Variants in DYNLRB1 observed in about 807,000 individuals in gnomAD.
DYNLRB1 encodes dynein light chain roadblock-type 1, also known as ROBL/LC7-like 1.
A neutral mutation model predicts 13.5 loss-of-function variants in DYNLRB1; 6 were observed. The observed-to-expected ratio is 0.44, with a 90% CI of 0.24 to 0.88. The LOEUF (loss-of-function observed/expected upper bound fraction) is 0.88. Ranked by LOEUF, DYNLRB1 falls within the 40% of genes least tolerant of loss-of-function variation. DYNLRB1 has a pLI of 0.21. For missense variants in DYNLRB1, 93 were observed against 127.2 expected, an observed-to-expected ratio of 0.73 and a Z score of 1.29; for synonymous variants, 43 against 45.0, an observed-to-expected ratio of 0.96 and a Z score of 0.18.
At chr20:34,516,401 C>T, upstream of DYNLRB1, 1 of 1,601,070 alleles carries the variant, frequency 6.2e-7, no homozygotes, top group Non-Finnish European at 8.5e-7. Flanking sequence ...TGCGCAGGCG[C>T]AGAAAGGCAC....
intron 1 of DYNLRB1, 78 bp downstream of exon 1, chr20:34,516,539 G>C: frequency 1.3e-6 from 2 of 1,594,344 alleles, no homozygotes; most frequent in Non-Finnish European, 1.7e-6. Context: ...GAGGATGAGG[G>C]GATCTCAGAG....
chr20:34,523,586 G>C (rs1979936337), intron 1 of DYNLRB1, among the ~76,000 whole-genome samples: 1 of 152,098 alleles, frequency 6.6e-6, no homozygotes, highest in African/African-American at 2.4e-5. Context: ...AAACCGGCAT[G>C]GCTAACTCCC....
rs759595219 is a variant in DYNLRB1, at chr20:34,534,699, C to T, written c.151C>T (p.Leu51=). Residue 51 remains leucine, a synonymous_variant, in exon 3 of 4, where the codon CTG becomes TTG. Coordinates refer to ENST00000357156, the MANE Select transcript of DYNLRB1 (RefSeq NM_014183.4). ...QYASLMHSFI[L]KARSTVRDID... Reference sequence around the variant, plus strand: ...TGCCAGCCTCATGCACAGCTTCATCCTGAAGGCACGGAGCACCGTGCGTGA... The same window carrying T: ...TGCCAGCCTCATGCACAGCTTCATCTTGAAGGCACGGAGCACCGTGCGTGA... 9 of 1,609,554 alleles carry T rather than the reference C, an allele frequency of 5.6e-6. No individual in the cohort carries two copies. The East Asian group carries it at 2.0e-4, about 36-fold the overall frequency.
Position 34,534,771 on chromosome 20 carries a change from A to G in DYNLRB1, c.223A>G (p.Lys75Glu). Residue 75 changes from lysine (K) to glutamate (E), a missense_variant, in exon 3 of 4, where the codon AAA (lysine) becomes GAA (glutamate). Transcript: ENST00000357156. ...CACCTTCCTTCGAATTCGCTCCAAG[A>G]AAAATGAAATTATGGTTGCACCAGG... ...DLTFLRIRSK[K>E]NEIMVAPDKD... 6.2e-7 allele frequency: 1 copy of G among 1,614,116 alleles called. No individual in the cohort carries two copies. Among genetic ancestry groups the G allele is most frequent in the Non-Finnish European group, 8.5e-7 (1 of 1,180,034 alleles).
chr20:34,522,529 A>G (rs1456407807), intron 1 of DYNLRB1, among the ~76,000 whole-genome samples: 2 of 130,952 alleles, frequency 1.5e-5, no homozygotes, highest in Non-Finnish European at 3.1e-5. Context: ...CTGGAGTGCA[A>G]TGGCGCGATC....
chr20:34,516,327 C>A, upstream of DYNLRB1: 1 of 1,406,176 alleles, frequency 7.1e-7, no homozygotes, highest in Non-Finnish European at 9.5e-7. Context: ...GATCGGCTCG[C>A]CCGCCCCCGC....
At chr20:34,520,846 A>G (rs1469312516) in intron 1 of DYNLRB1, among the ~76,000 whole-genome samples, 1 of 152,206 alleles carries the variant, frequency 6.6e-6, no homozygotes, top group Admixed American at 6.5e-5. Flanking sequence ...TTATTTCCTC[A>G]GGATAAAATT....
At position 34,539,530 on chromosome 20, in the gene DYNLRB1, T is replaced by A. The variant is rs149294318; in HGVS notation, c.248-1051T>A. On this transcript the variant is annotated intron_variant, in intron 3 of 3. Transcript: ENST00000357156. ...CCCCATCTGTACAAAACTTTTTTTT[T>A]TTCTTAATGGAGTCTCACTTTATCA... 6.1e-3 allele frequency among the ~76,000 whole-genome samples: 930 copies of A among 152,046 alleles called. 9 individuals are homozygous for A. The highest frequency in any genetic ancestry group is 0.032 in the East Asian group (162 of 5,116).
At chr20:34,516,593 G>C (rs1979206469) in intron 1 of DYNLRB1, 132 bp downstream of exon 1, 1 of 1,525,194 alleles carries the variant, frequency 6.6e-7, no homozygotes, top group Admixed American at 2.0e-5. Context: ...GCCGGGCCCG[G>C]GCCCCAGCCG....
chr20:34,525,437 C>T (rs1422529847), intron 1 of DYNLRB1, among the ~76,000 whole-genome samples: 2 of 152,122 alleles, frequency 1.3e-5, no homozygotes, highest in Non-Finnish European at 2.9e-5. Flanking sequence ...GAGAGGCACA[C>T]CCAGGGATTT....
At chr20:34,517,766 C>A (rs978540005) in intron 1 of DYNLRB1, among the ~76,000 whole-genome samples, 2 of 151,460 alleles carry the variant, frequency 1.3e-5, no homozygotes, top group Admixed American at 6.6e-5. Flanking sequence ...GTAGCTGGGA[C>A]TACAGGCGCC....
At chr20:34,524,500 T>C (rs1489531868) in intron 1 of DYNLRB1, among the ~76,000 whole-genome samples, 1 of 152,086 alleles carries the variant, frequency 6.6e-6, no homozygotes, top group Non-Finnish European at 1.5e-5. Flanking sequence ...GCGAGCAGGG[T>C]AGAATGAGTA....
In DYNLRB1 at chr20:34,535,205, G is replaced by A. The variant is rs1005694717; in HGVS notation, c.247+410G>A. 48 of 985,384 alleles carry A rather than the reference G, an allele frequency of 4.9e-5. 2 individuals carry two copies. Among genetic ancestry groups the A allele is most frequent in the Middle Eastern group, 1.0e-3 (2 of 1,914 alleles). The allele number at this position is 985,384 out of a possible 1,614,324, so 61.0% of individuals were successfully genotyped here. ...AGCAGTGTGAGCAAGGCGGAGGGGC[G>A]GAAAGCCACGTTTGGAAGAATATTC... On this transcript the variant is annotated intron_variant, in intron 3 of 3. Coordinates refer to ENST00000357156, the MANE Select transcript of DYNLRB1 (RefSeq NM_014183.4).
At chr20:34,532,779 T>C (rs1007403442) in intron 2 of DYNLRB1, among the ~76,000 whole-genome samples, 1 of 152,184 alleles carries the variant, frequency 6.6e-6, no homozygotes, top group African/African-American at 2.4e-5. Context: ...CCTCTGCGAC[T>C]CACCTGCTTC....
At chr20:34,530,044 G>A in intron 2 of DYNLRB1, 1 of 1,251,582 alleles carries the variant, frequency 8.0e-7, no homozygotes, top group South Asian at 3.1e-5. Flanking sequence ...TTGTCACTAA[G>A]AGAGAAACTG....
chr20:34,516,449 T>C lies in DYNLRB1; in HGVS notation c.-10T>C. ...GTGTTCGCTACGCGGGGCTACCGGA[T>C]CGGTCGGAAATGGTGAGCGTGCGCC... On this transcript the variant is annotated 5_prime_UTR_variant, in exon 1 of 4. Coordinates refer to ENST00000357156, the MANE Select transcript of DYNLRB1 (RefSeq NM_014183.4). The C allele has an allele frequency of 6.2e-7, 1 of 1,613,402 alleles. No homozygotes were observed. The highest frequency in any genetic ancestry group is 2.2e-5 in the East Asian group (1 of 44,804).
intron 1 of DYNLRB1, among the ~76,000 whole-genome samples, chr20:34,525,811 A>T (rs1021327126): frequency 6.6e-6 from 1 of 152,176 alleles, no homozygotes; most frequent in Non-Finnish European, 1.5e-5. Flanking sequence ...ACTATCTCAG[A>T]TGCCTGCCGC....
chr20:34,518,880 T>A (rs1252792428), intron 1 of DYNLRB1, among the ~76,000 whole-genome samples: 1 of 152,028 alleles, frequency 6.6e-6, no homozygotes, highest in African/African-American at 2.4e-5. Flanking sequence ...CAAATTTAGA[T>A]GCCTAGTTTA....
intron 1 of DYNLRB1, among the ~76,000 whole-genome samples, chr20:34,517,627 CTTTTT>C (rs60155819): frequency 8.3e-6 from 1 of 120,406 alleles, no homozygotes. Flanking sequence ...TTCATTATTT[CTTTTT>C]TTTTTTTTTT....
Sources: gnomAD v4.1 joint callset for allele counts (sites outside exome capture counted in the v4.1 genomes callset) on GRCh38, gnomAD v4.1.1 for gene constraint, MANE v1.5 for transcripts, NCBI Gene and HGNC (gene_info 2026-07-23, HGNC 2026-07-21) for gene names.